Variants in BTRC observed in about 807,000 individuals in gnomAD.
BTRC encodes F-box/WD repeat-containing protein 1A.
BTRC carries 42 observed loss-of-function variants against 85.5 expected under a neutral mutation model. That is an observed-to-expected ratio of 0.49 (90% CI 0.38 to 0.64). The LOEUF (loss-of-function observed/expected upper bound fraction) is 0.64. BTRC is among the 30% of genes least tolerant of loss of function. The probability of loss-of-function intolerance (pLI) is 0.00; values close to 1 mark genes in which losing one functional copy is unlikely to be tolerated. For missense variants in BTRC, 594 were observed against 743.5 expected (o/e 0.80, Z 2.34); for synonymous variants, 255 against 263.3 (o/e 0.97, Z 0.30).
At chr10:101,489,658 A>C (rs1946078747) in intron 4 of BTRC, among the ~76,000 whole-genome samples, 1 of 152,156 alleles carries the variant, frequency 6.6e-6, no homozygotes, top group Non-Finnish European at 1.5e-5. Flanking sequence ...GAGGGAAATG[A>C]GCTATGAATT....
chr10:101,518,310 T>A (rs996200077), intron 4 of BTRC, among the ~76,000 whole-genome samples: 5 of 152,170 alleles, frequency 3.3e-5, no homozygotes, highest in Non-Finnish European at 7.3e-5. Context: ...ATTGTGTCGC[T>A]ATTATGCTTC....
intron 13 of BTRC, among the ~76,000 whole-genome samples, chr10:101,549,150 T>C (rs1295928150): frequency 2.0e-5 from 3 of 151,190 alleles, no homozygotes; most frequent in African/African-American, 4.9e-5. Context: ...AATAACAGCA[T>C]TGGGCCAGGC....
intron 3 of BTRC, among the ~76,000 whole-genome samples, chr10:101,463,197 T>A (rs976874765): frequency 1.3e-5 from 2 of 152,090 alleles, no homozygotes; most frequent in Admixed American, 6.6e-5. Flanking sequence ...AGGTGCCCAC[T>A]ACCACACCGG....
At chr10:101,447,032 T>C (rs892299411) in intron 2 of BTRC, among the ~76,000 whole-genome samples, 3 of 152,102 alleles carry the variant, frequency 2.0e-5, no homozygotes, top group Non-Finnish European at 4.4e-5. Context: ...AATAGAAGCA[T>C]GCAGCTAGTG....
At chr10:101,427,672 G>T (rs1426711811) in intron 1 of BTRC, among the ~76,000 whole-genome samples, 2 of 151,726 alleles carry the variant, frequency 1.3e-5, no homozygotes, top group Non-Finnish European at 2.9e-5. Flanking sequence ...AGGACCACAG[G>T]CATGTGCCAC....
At chr10:101,458,891 T>C (rs1211931769) in intron 2 of BTRC, among the ~76,000 whole-genome samples, 1 of 152,198 alleles carries the variant, frequency 6.6e-6, no homozygotes, top group Non-Finnish European at 1.5e-5. Flanking sequence ...TCAAGTATCT[T>C]ATAGAAAAAA....
In BTRC at chr10:101,395,025, C is replaced by T. The variant is rs182479765; in HGVS notation, c.49-35320C>T. On this transcript the variant is annotated intron_variant, in intron 1 of 14. Transcript: ENST00000370187. ...TCTCACATGATTCCAACAGCAGTAGCGCCTAAATTCACGTTATTGCACTGT... is the reference window on the plus strand; with the variant it reads ...TCTCACATGATTCCAACAGCAGTAGTGCCTAAATTCACGTTATTGCACTGT... Among the ~76,000 whole-genome samples the T allele has an allele frequency of 3.9e-5, 6 of 152,292 alleles. No homozygotes were observed. In the East Asian group the frequency reaches 9.7e-4, roughly 25 times the overall value.
chr10:101,377,162 T>C (rs1000478193), intron 1 of BTRC, among the ~76,000 whole-genome samples: 1 of 152,224 alleles, frequency 6.6e-6, no homozygotes, highest in Non-Finnish European at 1.5e-5. Flanking sequence ...TGAAATCTTC[T>C]GTTACTGACC....
chr10:101,451,781 A>C lies in BTRC; in HGVS notation c.157-10200A>C, dbSNP rs563750051. On this transcript the variant is annotated intron_variant, in intron 2 of 14. Coordinates refer to ENST00000370187, the MANE Select transcript of BTRC (RefSeq NM_033637.4). ...TTAAATCGTGTTGAAAATTTGCTTA[A>C]AGCCTGGGCCAATTAACATCGAGAT... Among the ~76,000 whole-genome samples, 5 of 152,248 alleles carry C rather than the reference A, an allele frequency of 3.3e-5. No individual in the cohort carries two copies. The South Asian group carries it at 1.0e-3, about 32-fold the overall frequency.
chr10:101,442,542 G>A (rs945409507), intron 2 of BTRC, among the ~76,000 whole-genome samples: 1 of 151,992 alleles, frequency 6.6e-6, no homozygotes, highest in Non-Finnish European at 1.5e-5. Flanking sequence ...ATAAATTTCT[G>A]TATTAAAAAT....
At chr10:101,538,601 T>A (rs921400374) in intron 13 of BTRC, among the ~76,000 whole-genome samples, 1 of 152,218 alleles carries the variant, frequency 6.6e-6, no homozygotes, top group African/African-American at 2.4e-5. Flanking sequence ...GTTTAACAGC[T>A]GCACAGCAAC....
At chr10:101,419,647 T>C (rs1267989099) in intron 1 of BTRC, among the ~76,000 whole-genome samples, 2 of 152,202 alleles carry the variant, frequency 1.3e-5, no homozygotes. Context: ...AAGATGGAAG[T>C]TGCAGTCTTA....
At chr10:101,451,034 A>T (rs1366702706) in intron 2 of BTRC, among the ~76,000 whole-genome samples, 2 of 152,216 alleles carry the variant, frequency 1.3e-5, no homozygotes, top group Admixed American at 6.5e-5. Context: ...GCCTAAGTAT[A>T]GCAGTTTGCA....
At chr10:101,532,175 C>A in intron 7 of BTRC, 120 bp from the exon 8 acceptor site, 1 of 1,021,192 alleles carries the variant, frequency 9.8e-7, no homozygotes, top group Non-Finnish European at 1.3e-6. Flanking sequence ...TTTTAGTTTT[C>A]CCTAAGTTGT....
intron 2 of BTRC, among the ~76,000 whole-genome samples, chr10:101,443,730 A>C (rs1371623782): frequency 3.3e-5 from 5 of 152,224 alleles, no homozygotes; most frequent in Admixed American, 3.3e-4. Flanking sequence ...AATAGCTCTC[A>C]CTAAAATGAC....
chr10:101,439,251 G>A (rs1035481514), intron 2 of BTRC, among the ~76,000 whole-genome samples: 20 of 152,286 alleles, frequency 1.3e-4, no homozygotes, highest in African/African-American at 3.9e-4. Flanking sequence ...GTGCCTGAGC[G>A]CTTCATCCTG....
At chr10:101,488,234 A>C (rs1589538802) in intron 4 of BTRC, among the ~76,000 whole-genome samples, 1 of 152,202 alleles carries the variant, frequency 6.6e-6, no homozygotes, top group African/African-American at 2.4e-5. Flanking sequence ...TATTTAAAAG[A>C]GGAGCAAAAT....
chr10:101,407,139 G>C (rs1157280999), intron 1 of BTRC, among the ~76,000 whole-genome samples: 1 of 152,156 alleles, frequency 6.6e-6, no homozygotes, highest in African/African-American at 2.4e-5. Flanking sequence ...GGGAGGATCA[G>C]TTGAGGCCAG....
At chr10:101,439,763 G>A (rs1044627586) in intron 2 of BTRC, among the ~76,000 whole-genome samples, 1 of 152,192 alleles carries the variant, frequency 6.6e-6, no homozygotes, top group Non-Finnish European at 1.5e-5. Context: ...TTGGGTTAGT[G>A]TATTATTAAT....
Sources: gnomAD v4.1 joint callset for allele counts (sites outside exome capture counted in the v4.1 genomes callset) on GRCh38, gnomAD v4.1.1 for gene constraint, MANE v1.5 for transcripts, NCBI Gene and HGNC (gene_info 2026-07-23, HGNC 2026-07-21) for gene names.